HMG20A: variants seen among roughly 807,000 people sequenced by gnomAD.
HMG20A encodes high mobility group 20A.
In HMG20A, 17 loss-of-function variants were observed where a neutral mutation model predicts 43.9. The observed-to-expected ratio is 0.39, with a 90% CI of 0.27 to 0.58. The LOEUF (loss-of-function observed/expected upper bound fraction) is 0.58. Among genes scored for constraint, HMG20A ranks in the 20% least tolerant of loss-of-function variants. HMG20A has a pLI of 0.59. For synonymous variants in HMG20A, 132 were observed against 147.5 expected (o/e 0.89, Z 0.76); for missense variants, 341 against 438.2 (o/e 0.78, Z 1.98).
At chr15:77,421,159 A>T in intron 1 of HMG20A, 155 bp downstream of exon 1, 8 of 132,026 alleles carry the variant, frequency 6.1e-5, no homozygotes, top group East Asian at 2.6e-4. Context: ...GAGGGGAGGA[A>T]GGCCGTCCTG....
At chr15:77,506,414 C>G in the HMG20A span, among the ~76,000 whole-genome samples, 1 of 152,166 alleles carries the variant, frequency 6.6e-6, no homozygotes, top group Middle Eastern at 3.2e-3. Flanking sequence ...TTGCCTGCTC[C>G]GGAGGCAGTG....
rs144747383 is a variant in HMG20A at position 77,440,468 on chromosome 15, T to C, written c.-4-17936T>C. 6.4e-4 allele frequency among the ~76,000 whole-genome samples: 98 copies of C among 152,202 alleles called. 1 individual carries two copies. Among genetic ancestry groups the C allele is most frequent in the African/African-American group, 2.3e-3 (97 of 41,546 alleles). ...ATCTGAAATTTATTAACTGAGAAGG[T>C]GTCAGTTAGGATAGGCTAGGTTATT... On this transcript the variant is annotated intron_variant, in intron 1 of 9. Transcript: ENST00000336216.
intron 9 of HMG20A, among the ~76,000 whole-genome samples, chr15:77,481,515 G>A (rs746740332): frequency 1.3e-5 from 2 of 152,174 alleles, no homozygotes; most frequent in Non-Finnish European, 2.9e-5. Context: ...ATACAGGGCA[G>A]CTAATTAAGT....
the HMG20A span, among the ~76,000 whole-genome samples, chr15:77,498,835 C>A: frequency 2.6e-5 from 4 of 152,224 alleles, no homozygotes; most frequent in Non-Finnish European, 4.4e-5. Context: ...TTAACCCCTT[C>A]GGATCTCCAT....
At chr15:77,447,065 G>A (rs2073682921) in intron 1 of HMG20A, among the ~76,000 whole-genome samples, 1 of 152,122 alleles carries the variant, frequency 6.6e-6, no homozygotes, top group Non-Finnish European at 1.5e-5. Flanking sequence ...CCAGGAAATA[G>A]GGGAAGTACT....
At chr15:77,478,646 T>C in intron 8 of HMG20A, 136 bp downstream of exon 8, 1 of 692,552 alleles carries the variant, frequency 1.4e-6, no homozygotes, top group African/African-American at 1.8e-5. Flanking sequence ...ACATTTTTTC[T>C]TCTCTGGATA....
At position 77,478,982 on chromosome 15, in the gene HMG20A, C is replaced by T. The variant is rs560085052; in HGVS notation, c.908-197C>T. On this transcript the variant is annotated intron_variant, in intron 8 of 9. Coordinates refer to ENST00000336216, the MANE Select transcript of HMG20A (RefSeq NM_001304504.2). Reference sequence around the variant, plus strand: ...CATGCAGCTGCTCATATATACTATACAGCAATTATATAGCCCATCTGTTTA... The same window carrying T: ...CATGCAGCTGCTCATATATACTATATAGCAATTATATAGCCCATCTGTTTA... 4.6e-5 allele frequency among the ~76,000 whole-genome samples: 7 copies of T among 152,322 alleles called. No individual in the cohort carries two copies. In the South Asian group the frequency reaches 1.5e-3, roughly 32 times the overall value.
At position 77,478,318 on chromosome 15, in the gene HMG20A, C is replaced by T. The variant is rs780781992; in HGVS notation, c.715C>T (p.Leu239Phe). Residue 239 changes from leucine to phenylalanine, a missense_variant, in exon 8 of 10, where the codon CTT (leucine) becomes TTT (phenylalanine). Transcript: ENST00000336216. ...SKAREAELRQ[L>F]RKSNMEFEER... is the part of the protein sequence containing the mutation. ...AGCTCGGGAAGCAGAGCTCCGCCAG[C>T]TTCGCAAATCCAACATGGAGTTTGA... 6.2e-7 allele frequency: 1 copy of T among 1,613,534 alleles called. No individual in the cohort carries two copies. The highest frequency in any genetic ancestry group is 1.1e-5 in the South Asian group (1 of 91,052).
At chr15:77,509,203 C>T in the HMG20A span, among the ~76,000 whole-genome samples, 2 of 152,080 alleles carry the variant, frequency 1.3e-5, no homozygotes, top group African/African-American at 4.8e-5. Context: ...GATGGCAGTC[C>T]AGCTGAGCAG....
chr15:77,422,716 T>A (rs1328106865), intron 1 of HMG20A, among the ~76,000 whole-genome samples: 38 of 152,254 alleles, frequency 2.5e-4, no homozygotes, highest in Admixed American at 2.5e-3. Flanking sequence ...TTTAATCTTC[T>A]GTGGTCACTT....
chr15:77,491,911 G>C, the HMG20A span, among the ~76,000 whole-genome samples: 1 of 152,214 alleles, frequency 6.6e-6, no homozygotes, highest in Non-Finnish European at 1.5e-5. Context: ...AATGGGCCTT[G>C]AATGTCAAGC....
intron 1 of HMG20A, among the ~76,000 whole-genome samples, chr15:77,434,564 A>C (rs190777666): frequency 6.6e-6 from 1 of 152,242 alleles, no homozygotes; most frequent in African/African-American, 2.4e-5. Context: ...AAAAGGACAA[A>C]ATACTTCAAT....
At chr15:77,438,360 A>G (rs1282702543) in intron 1 of HMG20A, among the ~76,000 whole-genome samples, 3 of 152,086 alleles carry the variant, frequency 2.0e-5, no homozygotes, top group African/African-American at 7.2e-5. Flanking sequence ...TGAGATTTAC[A>G]ATATTGTTTG....
At chr15:77,442,893 A>G (rs1185741158) in intron 1 of HMG20A, among the ~76,000 whole-genome samples, 1 of 152,168 alleles carries the variant, frequency 6.6e-6, no homozygotes, top group Non-Finnish European at 1.5e-5. Context: ...TTAATTTTAA[A>G]ACATCTGTGA....
At chr15:77,463,301 T>A (rs546528429) in intron 2 of HMG20A, among the ~76,000 whole-genome samples, 2 of 152,228 alleles carry the variant, frequency 1.3e-5, no homozygotes, top group Non-Finnish European at 2.9e-5. Flanking sequence ...AAATTCATCA[T>A]ACCCTCTACC....
chr15:77,520,001 T>C, the HMG20A span, among the ~76,000 whole-genome samples: 3 of 151,988 alleles, frequency 2.0e-5, no homozygotes. Flanking sequence ...GAGATTGAGA[T>C]CATCCTGGCT....
At chr15:77,452,071 G>A (rs1476208819) in intron 1 of HMG20A, among the ~76,000 whole-genome samples, 2 of 152,180 alleles carry the variant, frequency 1.3e-5, no homozygotes, top group Admixed American at 6.5e-5. Context: ...CCATTTAAAA[G>A]ACACATAATC....
At chr15:77,466,422 A>G (rs186690201) in intron 3 of HMG20A, among the ~76,000 whole-genome samples, 50 of 152,238 alleles carry the variant, frequency 3.3e-4, no homozygotes, top group African/African-American at 1.2e-3. Context: ...AAAGGAACAA[A>G]TTGTCAAGCC....
the HMG20A span, among the ~76,000 whole-genome samples, chr15:77,516,080 A>G: frequency 6.6e-6 from 1 of 152,188 alleles, no homozygotes; most frequent in African/African-American, 2.4e-5. Flanking sequence ...TTCCCTTAGG[A>G]TCCCCTAGAC....
Sources: gnomAD v4.1 joint callset for allele counts (sites outside exome capture counted in the v4.1 genomes callset) on GRCh38, gnomAD v4.1.1 for gene constraint, MANE v1.5 for transcripts, NCBI Gene and HGNC (gene_info 2026-07-23, HGNC 2026-07-21) for gene names.